Variants in DLGAP4 observed in about 807,000 individuals in gnomAD.
DLGAP4 encodes DLG associated protein 4, also known as disks large-associated protein 4.
A neutral mutation model predicts 86.9 loss-of-function variants in DLGAP4; 18 were observed. The ratio of observed to expected loss-of-function variants is 0.21; its 90% CI spans 0.14 to 0.31. The LOEUF is 0.31. DLGAP4 is among the 10% of genes least tolerant of loss of function. The pLI is 1.00. For synonymous variants in DLGAP4, 548 were observed against 574.3 expected (o/e 0.95, Z 0.65); for missense variants, 1,085 against 1,362.6 (o/e 0.80, Z 3.21).
At chr20:36,462,167 C>T in intron 7 of DLGAP4, 1 of 1,046,512 alleles carries the variant, frequency 9.6e-7, no homozygotes, top group Non-Finnish European at 1.1e-6. Flanking sequence ...CCACTGGGAG[C>T]TCCTAGGTCC....
At position 36,308,480 on chromosome 20, in the gene DLGAP4, C is replaced by A. The variant is rs1346345214; in HGVS notation, c.-304+1968C>A. On this transcript the variant is annotated intron_variant, in intron 1 of 12. Transcript: ENST00000339266. This position sits in a 1 kb window ranked among gnomAD's most constrained non-coding sequence, Gnocchi z 4.5. ...TGAGATGGAACTGCAGGTCTGAGGG[C>A]TGTGCCCCGGGCGTGAAGCTGCCTG... Among the ~76,000 whole-genome samples, 1 of 152,234 alleles carries A rather than the reference C, an allele frequency of 6.6e-6. No individual in the cohort carries two copies. The highest frequency in any genetic ancestry group is 1.5e-5 in the Non-Finnish European group (1 of 68,028).
chr20:36,496,579 C>A, intron 7 of DLGAP4, 126 bp from the exon 8 acceptor site: 1 of 1,422,680 alleles, frequency 7.0e-7, no homozygotes, highest in Non-Finnish European at 9.3e-7. Context: ...GAAATCCTTG[C>A]GGACGGAATG....
intron 2 of DLGAP4, among the ~76,000 whole-genome samples, chr20:36,383,006 A>G (rs1287475387): frequency 3.3e-5 from 5 of 152,130 alleles, no homozygotes; most frequent in Non-Finnish European, 5.9e-5. Context: ...AGCCCTTTTT[A>G]TGTGCCACAC....
intron 10 of DLGAP4, among the ~76,000 whole-genome samples, chr20:36,503,341 A>G (rs951410318): frequency 6.6e-5 from 10 of 152,144 alleles, no homozygotes; most frequent in Admixed American, 2.6e-4. Flanking sequence ...TTATTTTAAG[A>G]ACATGTTCAT....
At chr20:36,483,910 C>T (rs372721059) in intron 7 of DLGAP4, among the ~76,000 whole-genome samples, 3 of 152,228 alleles carry the variant, frequency 2.0e-5, no homozygotes, top group Non-Finnish European at 4.4e-5. Flanking sequence ...GCCTGAAGAC[C>T]CCAGGAATAA....
chr20:36,320,497 G>A (rs111323068), intron 1 of DLGAP4, among the ~76,000 whole-genome samples: 5 of 152,246 alleles, frequency 3.3e-5, no homozygotes, highest in African/African-American at 1.2e-4. Flanking sequence ...GGCTGTGAGT[G>A]GGGGCTCTGG....
intron 2 of DLGAP4, among the ~76,000 whole-genome samples, chr20:36,370,401 AC>A (rs2030880073): frequency 1.3e-5 from 2 of 151,918 alleles, no homozygotes; most frequent in Admixed American, 1.3e-4. Flanking sequence ...TGGGAGGATC[AC>A]TTGAGCCCAG....
rs750069512 is a variant in DLGAP4 at position 36,500,577 on chromosome 20, C to T, written c.2478C>T (p.Asp826=). ...ERLEGWCCQM[D]KETKENNLSE... ...TGGAAGGCTGGTGCTGCCAGATGGA[C>T]AAGGAGACCAAAGAGAACAACCTCT... Residue 826 remains aspartate (D), a synonymous_variant, in exon 10 of 13, where the codon GAC becomes GAT. Coordinates refer to ENST00000339266, the MANE Select transcript of DLGAP4 (RefSeq NM_001365621.2). The surrounding 1 kb of genome is among the most constrained non-coding windows in gnomAD (Gnocchi z 4.6). The T allele has an allele frequency of 2.0e-5, 31 of 1,515,336 alleles. No homozygotes were observed. The African/African-American group carries it at 2.9e-4, about 14-fold the overall frequency. The allele number at this position is 1,515,336 out of a possible 1,614,324, so 93.9% of individuals were successfully genotyped here.
At chr20:36,507,768 T>G (rs1304130874) in intron 10 of DLGAP4, 1 of 152,224 alleles carries the variant, frequency 6.6e-6, no homozygotes, top group Non-Finnish European at 1.5e-5. Flanking sequence ...AGAAAGAGCG[T>G]GGCAGGAACA....
At chr20:36,523,669 G>C in intron 10 of DLGAP4, among the ~76,000 whole-genome samples, 1 of 152,066 alleles carries the variant, frequency 6.6e-6, no homozygotes, top group East Asian at 1.9e-4. Flanking sequence ...AGTCTAATCA[G>C]ATTTTTTATT....
chr20:36,466,982 TCTC>T (rs2034399374), intron 7 of DLGAP4, among the ~76,000 whole-genome samples: 2 of 149,144 alleles, frequency 1.3e-5, no homozygotes, highest in Admixed American at 1.3e-4. Flanking sequence ...CTCCTCTCTC[TCTC>T]TCTCTGTCTC....
chr20:36,476,923 C>G (rs1215703729), intron 7 of DLGAP4, among the ~76,000 whole-genome samples: 2 of 151,376 alleles, frequency 1.3e-5, no homozygotes, highest in African/African-American at 4.9e-5. Flanking sequence ...AAACTCCTGA[C>G]CTCAGGTGAT....
intron 10 of DLGAP4, among the ~76,000 whole-genome samples, chr20:36,503,336 T>G (rs889656097): frequency 5.3e-5 from 8 of 151,990 alleles, no homozygotes; most frequent in African/African-American, 1.9e-4. Context: ...ACTGTTTATT[T>G]TAAGAACATG....
At chr20:36,403,422 G>A (rs185325563) in intron 2 of DLGAP4, among the ~76,000 whole-genome samples, 231 of 152,274 alleles carry the variant, frequency 1.5e-3, no homozygotes, top group African/African-American at 5.3e-3. Flanking sequence ...TAGAGAGGAC[G>A]AACAGTCAGA....
In DLGAP4 at chr20:36,354,755, C is replaced by T. The variant is rs1339958362; in HGVS notation, c.-303-12290C>T. Among the ~76,000 whole-genome samples, 9 of 152,162 alleles carry T rather than the reference C, an allele frequency of 5.9e-5. No individual in the cohort carries two copies. In the East Asian group the frequency reaches 1.4e-3, roughly 23 times the overall value. On this transcript the variant is annotated intron_variant, in intron 1 of 12. Transcript: ENST00000339266. ...CAACCTGGACAACATAGTGAGACCCCCCTCATCTCTTAAAAATGAAAAAAG... is the reference window on the plus strand; with the variant it reads ...CAACCTGGACAACATAGTGAGACCCTCCTCATCTCTTAAAAATGAAAAAAG...
chr20:36,352,799 G>A (rs1555893560), intron 1 of DLGAP4, among the ~76,000 whole-genome samples: 1 of 152,126 alleles, frequency 6.6e-6, no homozygotes, highest in African/African-American at 2.4e-5. Context: ...GGTCGCCAGG[G>A]AGTGAGAGCT....
intron 1 of DLGAP4, among the ~76,000 whole-genome samples, chr20:36,316,068 G>A (rs1417247175): frequency 2.0e-5 from 3 of 152,208 alleles, no homozygotes; most frequent in South Asian, 2.1e-4. Context: ...CTTGAGATGC[G>A]TCTGGGGGAT....
chr20:36,444,365 C>T (rs2033534333), intron 6 of DLGAP4, among the ~76,000 whole-genome samples: 1 of 152,184 alleles, frequency 6.6e-6, no homozygotes, highest in Non-Finnish European at 1.5e-5. Flanking sequence ...CTCACTGCAG[C>T]CTCAACCTCC....
intron 7 of DLGAP4, chr20:36,465,448 T>G (rs2034306755): frequency 6.6e-6 from 1 of 152,288 alleles, no homozygotes; most frequent in African/African-American, 2.4e-5. Context: ...GGCAAACTTG[T>G]AGCCCAGGCC....
Sources: allele counts gnomAD v4.1 joint callset (sites outside exome capture counted in the v4.1 genomes callset), GRCh38; gene constraint gnomAD v4.1.1; non-coding constraint Gnocchi (gnomAD v3.1); transcripts MANE v1.5; gene names NCBI Gene and HGNC (gene_info 2026-07-23, HGNC 2026-07-21).